The following FLRT2 variants were observed in gnomAD, a reference collection of about 807,000 sequenced individuals.
FLRT2 encodes leucine-rich repeat transmembrane protein FLRT2.
Under a neutral mutation model 40.0 loss-of-function variants are expected in FLRT2, and 15 were observed. The ratio of observed to expected loss-of-function variants is 0.38; its 90% CI spans 0.25 to 0.58. The LOEUF (loss-of-function observed/expected upper bound fraction) is 0.58, where lower values mean the gene tolerates loss of function less well. Among genes scored for constraint, FLRT2 ranks in the 20% least tolerant of loss-of-function variants. The pLI is 0.71. For missense variants in FLRT2, 726 were observed against 840.0 expected (o/e 0.86, Z 1.68); for synonymous variants, 380 against 336.8 (o/e 1.13, Z -1.41).
Position 85,641,481 on chromosome 14 carries a change from A to G in FLRT2, c.*17984A>G, listed in dbSNP as rs1438820187. On this transcript the variant is annotated 3_prime_UTR_variant, in exon 2 of 2. Coordinates refer to ENST00000330753, the MANE Select transcript of FLRT2 (RefSeq NM_013231.6). ...ATCAGTGTTTTAGTGTCTGGTCACT[A>G]TCTTCAGTGGAGTCAGGTGATGTGA... 1 of 152,258 alleles carries G rather than the reference A, an allele frequency of 6.6e-6. No individual in the cohort carries two copies. Among genetic ancestry groups the G allele is most frequent in the African/African-American group, 2.4e-5 (1 of 41,458 alleles). The allele number at this position is 152,258 out of a possible 1,614,324, so 9.4% of individuals were successfully genotyped here.
At chr14:85,589,877 C>T (rs951577337) in intron 1 of FLRT2, among the ~76,000 whole-genome samples, 2 of 151,994 alleles carry the variant, frequency 1.3e-5, no homozygotes, top group African/African-American at 4.8e-5. Context: ...GTCTTTTCCC[C>T]AGCATATGTT....
intron 1 of FLRT2, among the ~76,000 whole-genome samples, chr14:85,548,476 A>G (rs945469270): frequency 1.3e-5 from 2 of 152,242 alleles, no homozygotes; most frequent in South Asian, 2.1e-4. Flanking sequence ...GAACAAATAG[A>G]AATAATCAGA....
chr14:85,581,047 G>T (rs1011979250), intron 1 of FLRT2, among the ~76,000 whole-genome samples: 24 of 152,098 alleles, frequency 1.6e-4, no homozygotes, highest in Middle Eastern at 3.4e-3. Flanking sequence ...TCTTTATCTT[G>T]CAACAGGCAT....
intron 1 of FLRT2, among the ~76,000 whole-genome samples, chr14:85,587,287 GAAA>G (rs748034839): frequency 4.5e-5 from 4 of 88,216 alleles, no homozygotes; most frequent in Admixed American, 1.3e-4. Context: ...CTAAGGAATG[GAAA>G]AAAAAAAAAA....
At chr14:85,613,720 A>G (rs992494189) in intron 1 of FLRT2, among the ~76,000 whole-genome samples, 2 of 152,210 alleles carry the variant, frequency 1.3e-5, no homozygotes, top group Non-Finnish European at 2.9e-5. Context: ...GCGAAAGCAG[A>G]CCAGCCTGTC....
chr14:85,533,509 A>T (rs1164054449), intron 1 of FLRT2, among the ~76,000 whole-genome samples: 18 of 152,072 alleles, frequency 1.2e-4, no homozygotes, highest in Admixed American at 9.8e-4. Flanking sequence ...GAGTCCCGGG[A>T]TCCTCCAAAT....
rs560711203 is a variant in FLRT2, at chr14:85,599,682, C to A, written c.-376-21457C>A. On this transcript the variant is annotated intron_variant, in intron 1 of 1. Transcript: ENST00000330753. Reference sequence around the variant, plus strand: ...TTAATCAGTTCAATTACTCTTTCTCCTTCTCTCTCTTTTCTTTCCTCCCCC... The same window carrying A: ...TTAATCAGTTCAATTACTCTTTCTCATTCTCTCTCTTTTCTTTCCTCCCCC... Among the ~76,000 whole-genome samples the A allele has an allele frequency of 2.0e-5, 3 of 152,238 alleles. No homozygotes were observed. The East Asian group carries it at 5.8e-4, about 29-fold the overall frequency.
intron 1 of FLRT2, among the ~76,000 whole-genome samples, chr14:85,544,195 C>G (rs1349483014): frequency 6.6e-6 from 1 of 152,190 alleles, no homozygotes; most frequent in East Asian, 1.9e-4. Context: ...GTTTGTCAGA[C>G]AAATATTGGC....
chr14:85,531,806 CCACCTTTG>C (rs1888298323), intron 1 of FLRT2, among the ~76,000 whole-genome samples: 1 of 152,198 alleles, frequency 6.6e-6, no homozygotes, highest in Non-Finnish European at 1.5e-5. Context: ...GCTTTCCCAG[CCACCTTTG>C]CATAATGCAA....
At position 85,643,891 on chromosome 14, in the gene FLRT2, A is replaced by G. The variant is rs1299397580; in HGVS notation, c.*20394A>G. 1 of 152,164 alleles carries G rather than the reference A, an allele frequency of 6.6e-6. No homozygotes were observed. Among genetic ancestry groups the G allele is most frequent in the Non-Finnish European group, 1.5e-5 (1 of 68,040 alleles). The allele number at this position is 152,164 out of a possible 1,614,324, so 9.4% of individuals were successfully genotyped here. ...GGTTGTGGTTTTTATTATAAGCATT[A>G]AAAGTATAGTAGTAGGAAACTGTGT... is the stretch of plus-strand genomic sequence containing the variant. On this transcript the variant is annotated 3_prime_UTR_variant, in exon 2 of 2. Coordinates refer to ENST00000330753, the MANE Select transcript of FLRT2 (RefSeq NM_013231.6).
chr14:85,557,008 A>C (rs934194776), intron 1 of FLRT2, among the ~76,000 whole-genome samples: 6 of 152,124 alleles, frequency 3.9e-5, no homozygotes, highest in Non-Finnish European at 8.8e-5. Flanking sequence ...CCCTGATAAA[A>C]CCATCAGAGC....
chr14:85,558,834 T>G (rs562727575), intron 1 of FLRT2, among the ~76,000 whole-genome samples: 2 of 152,382 alleles, frequency 1.3e-5, no homozygotes, highest in South Asian at 2.1e-4. Flanking sequence ...TTAGAGTGAT[T>G]GCTCTGATAC....
At chr14:85,539,368 C>T (rs950569825) in intron 1 of FLRT2, among the ~76,000 whole-genome samples, 1 of 51,820 alleles carries the variant, frequency 1.9e-5, no homozygotes, top group South Asian at 6.9e-4. Flanking sequence ...TGTTTGTTTT[C>T]GTTGGAACAG....
At chr14:85,573,308 A>C (rs536050797) in intron 1 of FLRT2, among the ~76,000 whole-genome samples, 1 of 151,936 alleles carries the variant, frequency 6.6e-6, no homozygotes, top group Non-Finnish European at 1.5e-5. Flanking sequence ...TCACACTCAC[A>C]CATCTCTCTC....
At chr14:85,581,155 C>T (rs1891369222) in intron 1 of FLRT2, among the ~76,000 whole-genome samples, 1 of 152,298 alleles carries the variant, frequency 6.6e-6, no homozygotes, top group South Asian at 2.1e-4. Flanking sequence ...TGCGCGACCG[C>T]CCACAGTGGG....
At chr14:85,615,033 G>A (rs1893060999) in intron 1 of FLRT2, among the ~76,000 whole-genome samples, 3 of 152,114 alleles carry the variant, frequency 2.0e-5, no homozygotes, top group Admixed American at 2.0e-4. Context: ...TACTACCGGG[G>A]ACCAACTACC....
At position 85,639,854 on chromosome 14, in the gene FLRT2, T is replaced by TA. The variant is rs1894109219; in HGVS notation, c.*16357_*16358insA. On this transcript the variant is annotated 3_prime_UTR_variant, in exon 2 of 2. Transcript: ENST00000330753. The stretch of plus-strand genomic sequence containing the variant: ...ATTCTTTATTTTTTTTTTTTTCCTT[T>TA]TTTTTTTTTTTTGAGACAGTGTCTC... The TA allele has an allele frequency of 7.0e-6, 1 of 142,610 alleles. No individual in the cohort carries two copies. Among genetic ancestry groups the TA allele is most frequent in the African/African-American group, 2.6e-5 (1 of 38,220 alleles). The allele number at this position is 142,610 out of a possible 1,614,324, so 8.8% of individuals were successfully genotyped here. A position where few individuals can be genotyped will look rare whatever the true frequency, so the allele number is the denominator to read the frequency against.
chr14:85,579,177 C>A (rs1468340666), intron 1 of FLRT2, among the ~76,000 whole-genome samples: 2 of 152,142 alleles, frequency 1.3e-5, no homozygotes, highest in Non-Finnish European at 2.9e-5. Context: ...GGGAGCTGTG[C>A]AGTGGGCTGG....
intron 1 of FLRT2, among the ~76,000 whole-genome samples, chr14:85,556,187 C>A (rs577532546): frequency 1.3e-5 from 2 of 152,148 alleles, no homozygotes; most frequent in East Asian, 3.9e-4. Flanking sequence ...ATCCTAGAGA[C>A]AACTATATAG....
Sources: allele counts gnomAD v4.1 joint callset (sites outside exome capture counted in the v4.1 genomes callset), GRCh38; gene constraint gnomAD v4.1.1; transcripts MANE v1.5; gene names NCBI Gene and HGNC (gene_info 2026-07-23, HGNC 2026-07-21).